PMVK: variants seen among roughly 807,000 people sequenced by gnomAD.
PMVK encodes testis tissue sperm-binding protein Li 95mP.
PMVK carries 10 observed loss-of-function variants against 19.0 expected under a neutral mutation model. The observed-to-expected ratio is 0.53, with a 90% CI of 0.32 to 0.89. The LOEUF is 0.89. Among genes scored for constraint, PMVK ranks in the 40% least tolerant of loss-of-function variants. The pLI, the probability that PMVK is intolerant of heterozygous loss-of-function variation, is 0.03. For missense variants in PMVK, 222 were observed against 251.1 expected (o/e 0.88, Z 0.78); for synonymous variants, 108 against 101.6 (o/e 1.06, Z -0.38).
rs955869629 is a variant in PMVK at position 154,936,317 on chromosome 1, A to G, written c.95+274T>C. 2.1e-5 allele frequency: 18 copies of G among 871,344 alleles called. No individual in the cohort carries two copies. In the African/African-American group the frequency reaches 3.1e-4, roughly 15 times the overall value. 54.0% of individuals were successfully genotyped at this position (871,344 alleles called of 1,614,324 possible). ...GGCTGGTATCCAACGCCTGGTATAT[A>G]GAAAGTGCCTTCGTAGGAACCATTA... On this transcript the variant is annotated intron_variant, in intron 1 of 4. Coordinates refer to ENST00000368467, the MANE Select transcript of PMVK (RefSeq NM_006556.4).
upstream of PMVK, chr1:154,936,750 GC>G: frequency 2.9e-6 from 4 of 1,374,938 alleles, no homozygotes; most frequent in Non-Finnish European, 4.0e-6. Flanking sequence ...TCGGGACACC[GC>G]GCGGAATGGA....
chr1:154,936,152 C>T (rs1224088040), intron 1 of PMVK, among the ~76,000 whole-genome samples: 2 of 152,082 alleles, frequency 1.3e-5, no homozygotes, highest in East Asian at 3.9e-4. Context: ...GCCAATCTCG[C>T]CTCACTGCAA....
intron 3 of PMVK, among the ~76,000 whole-genome samples, chr1:154,928,255 T>G (rs948909734): frequency 7.2e-5 from 11 of 152,172 alleles, no homozygotes; most frequent in Non-Finnish European, 1.3e-4. Context: ...TGGAAGGGCA[T>G]GTGCAAAGGC....
At chr1:154,937,468 A>G (rs926900795), upstream of PMVK, 1 of 152,280 alleles carries the variant, frequency 6.6e-6, no homozygotes, top group African/African-American at 2.4e-5. Context: ...GGTGACATCA[A>G]TAGTAAGGGA....
intron 2 of PMVK, among the ~76,000 whole-genome samples, chr1:154,929,548 G>A (rs527926197): frequency 1.1e-4 from 17 of 152,116 alleles, no homozygotes; most frequent in African/African-American, 4.1e-4. Flanking sequence ...AAATCTGAGG[G>A]GGGAAAAAAA....
chr1:154,940,377 C>T (rs565827535), upstream of PMVK, among the ~76,000 whole-genome samples: 91 of 152,344 alleles, frequency 6.0e-4, no homozygotes, highest in African/African-American at 2.0e-3. Context: ...CTGGTGAGAA[C>T]TCCTGCAAAG....
At chr1:154,940,434 A>G (rs1434386537), upstream of PMVK, among the ~76,000 whole-genome samples, 1 of 152,112 alleles carries the variant, frequency 6.6e-6, no homozygotes, top group African/African-American at 2.4e-5. Context: ...AATGGTGAGG[A>G]TTAGTGGCAC....
upstream of PMVK, chr1:154,937,744 A>C (rs1654556043): frequency 1.3e-5 from 2 of 152,220 alleles, no homozygotes; most frequent in Non-Finnish European, 2.9e-5. Context: ...GTGGAGACTT[A>C]GGGAGAAACC....
chr1:154,935,301 CCA>C (rs1654468707), intron 1 of PMVK, among the ~76,000 whole-genome samples: 1 of 151,972 alleles, frequency 6.6e-6, no homozygotes. Context: ...CTGGGCTCTC[CCA>C]CACCTTCATA....
At chr1:154,933,695 T>C (rs1370638556) in intron 1 of PMVK, among the ~76,000 whole-genome samples, 2 of 151,714 alleles carry the variant, frequency 1.3e-5, no homozygotes, top group African/African-American at 2.4e-5. Flanking sequence ...GGTTTTGCCA[T>C]GTTGGCCAGG....
At chr1:154,936,363 C>T (rs989585495) in intron 1 of PMVK, 1 of 983,006 alleles carries the variant, frequency 1.0e-6, no homozygotes, top group Non-Finnish European at 1.2e-6. Flanking sequence ...TCAGAGAGAC[C>T]TGCAGCTGAA....
At chr1:154,930,015 G>A (rs1163338528) in intron 2 of PMVK, among the ~76,000 whole-genome samples, 1 of 152,200 alleles carries the variant, frequency 6.6e-6, no homozygotes, top group Non-Finnish European at 1.5e-5. Context: ...TGGTCTACTT[G>A]TTGGTTATAT....
upstream of PMVK, chr1:154,936,909 G>A (rs1326597113): frequency 1.8e-6 from 1 of 551,348 alleles, no homozygotes; most frequent in Non-Finnish European, 3.3e-6. Flanking sequence ...AGAGAAAGGC[G>A]GTTCCTTCAC....
In PMVK at chr1:154,929,113, C is replaced by G. The variant is rs148544851; in HGVS notation, c.223G>C (p.Asp75His). ...TTCTCCTCTCCCCAGCGGATCATGT[C>G]CTTCCGAAAGGCCTCCTTGTAGGTG... is the stretch of plus-strand genomic sequence containing the variant. The part of the protein sequence containing the change: ...TSTYKEAFRK[D>H]MIRWGEEKRQ... The change falls in exon 3 of 5, where the codon GAC becomes CAC. Residue 75 changes from aspartate to histidine, a missense_variant. Transcript: ENST00000368467. 297 of 1,614,072 alleles carry G rather than the reference C, an allele frequency of 1.8e-4. No homozygotes were observed. Among genetic ancestry groups the G allele is most frequent in the Non-Finnish European group, 2.4e-4 (286 of 1,180,018 alleles).
chr1:154,942,074 C>A, the PMVK span, among the ~76,000 whole-genome samples: 1 of 152,192 alleles, frequency 6.6e-6, no homozygotes, highest in African/African-American at 2.4e-5. Context: ...CCAAGAAGGC[C>A]ACCCCTAACT....
chr1:154,928,368 A>G (rs1654233962), intron 3 of PMVK, among the ~76,000 whole-genome samples: 1 of 152,238 alleles, frequency 6.6e-6, no homozygotes, highest in Non-Finnish European at 1.5e-5. Context: ...ACTGGATCAC[A>G]CAAGGCCCAG....
intron 1 of PMVK, among the ~76,000 whole-genome samples, chr1:154,936,109 G>A (rs1054233972): frequency 1.3e-5 from 2 of 152,162 alleles, no homozygotes; most frequent in Non-Finnish European, 2.9e-5. Context: ...TTAAGACAGG[G>A]TCTCGCTCTG....
At chr1:154,935,003 G>A (rs55861235) in intron 1 of PMVK, among the ~76,000 whole-genome samples, 2,255 of 149,946 alleles carry the variant, frequency 0.015, 24 homozygotes, top group Non-Finnish European at 0.023. Flanking sequence ...CAGAGGTTGC[G>A]GTGAGCCGCA....
At chr1:154,934,423 C>G (rs1654438079) in intron 1 of PMVK, among the ~76,000 whole-genome samples, 1 of 152,116 alleles carries the variant, frequency 6.6e-6, no homozygotes, top group Non-Finnish European at 1.5e-5. Flanking sequence ...CTCAGGCAAT[C>G]CTCGCACCTC....
Sources: gnomAD v4.1 joint callset for allele counts (sites outside exome capture counted in the v4.1 genomes callset) on GRCh38, gnomAD v4.1.1 for gene constraint, MANE v1.5 for transcripts, NCBI Gene and HGNC (gene_info 2026-07-23, HGNC 2026-07-21) for gene names.